The following PCDH15 variants were observed in gnomAD, a reference collection of about 807,000 sequenced individuals.
The protein encoded by PCDH15 is protocadherin-15.
A neutral mutation model predicts 178.5 loss-of-function variants in PCDH15; 129 were observed. That is an observed-to-expected ratio of 0.72 (90% CI 0.63 to 0.84). The LOEUF (loss-of-function observed/expected upper bound fraction) is 0.84. Among genes scored for constraint, PCDH15 ranks in the 40% least tolerant of loss-of-function variants. The probability of loss-of-function intolerance (pLI) is 0.00; values close to 1 mark genes in which losing one functional copy is unlikely to be tolerated. For missense variants in PCDH15, 2,230 were observed against 2,099.9 expected (o/e 1.06, Z -1.21); for synonymous variants, 800 against 732.0 (o/e 1.09, Z -1.50).
At chr10:53,935,481 T>C (rs996268820) in intron 25 of PCDH15, among the ~76,000 whole-genome samples, 1 of 152,116 alleles carries the variant, frequency 6.6e-6, no homozygotes, top group African/African-American at 2.4e-5. Context: ...TAAAAGTAAG[T>C]CGTAGAACAA....
chr10:54,126,555 A>G (rs2042005964), intron 15 of PCDH15, among the ~76,000 whole-genome samples: 1 of 152,134 alleles, frequency 6.6e-6, no homozygotes, highest in South Asian at 2.1e-4. Context: ...TAGCTAGCTA[A>G]TGTGAGATAC....
intron 2 of PCDH15, among the ~76,000 whole-genome samples, chr10:54,602,295 G>T (rs1310540676): frequency 6.6e-6 from 1 of 151,636 alleles, no homozygotes; most frequent in Non-Finnish European, 1.5e-5. Flanking sequence ...TTTCCTTTCA[G>T]ATAATCTATT....
At chr10:54,111,829 T>C (rs2095028503) in intron 15 of PCDH15, among the ~76,000 whole-genome samples, 1 of 151,956 alleles carries the variant, frequency 6.6e-6, no homozygotes, top group African/African-American at 2.4e-5. Flanking sequence ...AAAATTCTAT[T>C]AAAGATAAAG....
chr10:55,543,499 A>C (rs1462771364), intron 2 of PCDH15, among the ~76,000 whole-genome samples: 5 of 151,442 alleles, frequency 3.3e-5, no homozygotes, highest in African/African-American at 1.2e-4. Context: ...ATATGTCAGG[A>C]ATTCTATCAG....
intron 3 of PCDH15, among the ~76,000 whole-genome samples, chr10:54,886,797 TTC>T (rs1371164980): frequency 2.0e-5 from 3 of 152,236 alleles, no homozygotes; most frequent in African/African-American, 2.4e-5. Flanking sequence ...CAGGTTTCCT[TTC>T]TCTGTCTTCA....
chr10:54,728,942 A>G (rs2132620670), intron 1 of PCDH15, among the ~76,000 whole-genome samples: 1 of 151,718 alleles, frequency 6.6e-6, no homozygotes, highest in East Asian at 1.9e-4. Flanking sequence ...ACAAATGGAA[A>G]TACATACCAT....
At chr10:54,158,333 C>A (rs185598724) in intron 13 of PCDH15, among the ~76,000 whole-genome samples, 3 of 152,182 alleles carry the variant, frequency 2.0e-5, no homozygotes, top group Admixed American at 1.3e-4. Context: ...GGAGAGCTTG[C>A]GCAGGGAAAC....
rs774857947 is a variant in PCDH15 at position 53,866,660 on chromosome 10, G to C, written c.3699C>G (p.Ser1233Arg). 5 of 1,613,156 alleles carry C rather than the reference G, an allele frequency of 3.1e-6. No individual in the cohort carries two copies. Among genetic ancestry groups the C allele is most frequent in the Non-Finnish European group, 4.2e-6 (5 of 1,179,502 alleles). Residue 1233 changes from serine to arginine, a missense_variant, in exon 27 of 38, where the codon AGC becomes AGG. Transcript: ENST00000644397. The stretch of plus-strand genomic sequence containing the variant: ...TACTTACGAGTACATCGGCTTTGCC[G>C]CTCAGTCCCTTCCCATAGTCGTCAG... The part of the protein sequence containing the change: ...IATDDYGKGL[S>R]GKADVLVSVV...
At chr10:54,660,429 C>T (rs1438678129) in intron 2 of PCDH15, among the ~76,000 whole-genome samples, 1 of 151,846 alleles carries the variant, frequency 6.6e-6, no homozygotes, top group Non-Finnish European at 1.5e-5. Context: ...AAATTGAAAT[C>T]CTGAAGAGAC....
intron 15 of PCDH15, among the ~76,000 whole-genome samples, chr10:54,104,751 G>A (rs1029952816): frequency 2.7e-5 from 4 of 150,260 alleles, no homozygotes; most frequent in Admixed American, 6.7e-5. Context: ...GCAGGAGAAC[G>A]GCATGAACCC....
intron 8 of PCDH15, among the ~76,000 whole-genome samples, chr10:54,259,096 A>G (rs1466697674): frequency 1.4e-5 from 2 of 142,374 alleles, no homozygotes; most frequent in African/African-American, 5.9e-5. Flanking sequence ...ATAGTGACCT[A>G]AATTACTTTA....
chr10:54,775,026 C>A (rs1949538047), intron 1 of PCDH15, among the ~76,000 whole-genome samples: 1 of 152,042 alleles, frequency 6.6e-6, no homozygotes, highest in Non-Finnish European at 1.5e-5. Context: ...TGTTTTATAT[C>A]AATGTATTAT....
chr10:55,230,577 G>A (rs1055080797), intron 1 of PCDH15, among the ~76,000 whole-genome samples: 4 of 152,054 alleles, frequency 2.6e-5, no homozygotes, highest in African/African-American at 9.7e-5. Context: ...AAAGAAAGCA[G>A]GGTATAAAAG....
At chr10:54,939,870 T>C (rs1838016558) in intron 2 of PCDH15, among the ~76,000 whole-genome samples, 1 of 152,160 alleles carries the variant, frequency 6.6e-6, no homozygotes, top group Non-Finnish European at 1.5e-5. Flanking sequence ...ATCTAGTTCG[T>C]GAGATCAGAG....
At chr10:54,426,311 G>A (rs1205936869) in intron 3 of PCDH15, among the ~76,000 whole-genome samples, 1 of 152,134 alleles carries the variant, frequency 6.6e-6, no homozygotes. Context: ...TGGGGGGAAG[G>A]TTTCGGGATG....
intron 2 of PCDH15, among the ~76,000 whole-genome samples, chr10:55,016,820 A>ATT (rs1840192707): frequency 6.6e-6 from 1 of 151,884 alleles, no homozygotes; most frequent in Non-Finnish European, 1.5e-5. Context: ...CCTTTTATTG[A>ATT]TTTTCTCTTC....
chr10:54,667,022 G>A (rs1182615526), intron 1 of PCDH15, among the ~76,000 whole-genome samples: 1 of 151,876 alleles, frequency 6.6e-6, no homozygotes, highest in African/African-American at 2.4e-5. Context: ...CAAGTTTTTA[G>A]AGGATTATAT....
chr10:54,902,628 C>A (rs1486825421), intron 2 of PCDH15, among the ~76,000 whole-genome samples: 1 of 152,098 alleles, frequency 6.6e-6, no homozygotes, highest in African/African-American at 2.4e-5. Context: ...TCGGGTAGTT[C>A]TTTATAGCAG....
intron 2 of PCDH15, among the ~76,000 whole-genome samples, chr10:55,578,205 A>G (rs1842533012): frequency 6.6e-6 from 1 of 151,568 alleles, no homozygotes; most frequent in Non-Finnish European, 1.5e-5. Context: ...TATTTTATTT[A>G]TCTTATTTTA....
Sources: allele counts gnomAD v4.1 joint callset (sites outside exome capture counted in the v4.1 genomes callset), GRCh38; gene constraint gnomAD v4.1.1; transcripts MANE v1.5; gene names NCBI Gene and HGNC (gene_info 2026-07-23, HGNC 2026-07-21).